The following RTN4 variants were observed in gnomAD, a reference collection of about 807,000 sequenced individuals.
RTN4 encodes reticulon 4.
In RTN4, 32 loss-of-function variants were observed where a neutral mutation model predicts 90.4. That is an observed-to-expected ratio of 0.35 (90% CI 0.27 to 0.48). The LOEUF (loss-of-function observed/expected upper bound fraction) is 0.48. Ranked by LOEUF, RTN4 falls within the 20% of genes least tolerant of loss-of-function variation. The pLI is 0.99. For missense variants in RTN4, 1,706 were observed against 1,430.2 expected (o/e 1.19, Z -3.11); for synonymous variants, 629 against 552.5 (o/e 1.14, Z -1.94).
intron 1 of RTN4, among the ~76,000 whole-genome samples, chr2:55,110,018 G>A (rs1558883877): frequency 6.6e-6 from 1 of 152,028 alleles, no homozygotes; most frequent in Non-Finnish European, 1.5e-5. Context: ...AGAAATTCTG[G>A]AATCTCAGGG....
At chr2:55,002,999 T>C (rs1460688508) in intron 3 of RTN4, among the ~76,000 whole-genome samples, 1 of 152,162 alleles carries the variant, frequency 6.6e-6, no homozygotes, top group African/African-American at 2.4e-5. Flanking sequence ...TTAAAATAAG[T>C]AGGCACCAAG....
intron 1 of RTN4, among the ~76,000 whole-genome samples, chr2:55,030,042 C>CTG (rs1682190228): frequency 6.6e-6 from 1 of 152,106 alleles, no homozygotes; most frequent in Non-Finnish European, 1.5e-5. Context: ...TTAACCAATT[C>CTG]TTAACAAAAT....
At chr2:55,099,536 C>T (rs1667813833) in intron 1 of RTN4, among the ~76,000 whole-genome samples, 1 of 152,018 alleles carries the variant, frequency 6.6e-6, no homozygotes, top group African/African-American at 2.4e-5. Flanking sequence ...AGGAGCCTGG[C>T]TCTTTGACAT....
chr2:55,056,723 A>G (rs918844498), intron 2 of RTN4, among the ~76,000 whole-genome samples: 64 of 152,190 alleles, frequency 4.2e-4, no homozygotes, highest in Admixed American at 1.2e-3. Flanking sequence ...TGTATTGCCT[A>G]TTTAAAAAGT....
rs201610878 is a variant in RTN4 at position 55,025,480 on chromosome 2, T to C, written c.2619A>G (p.Thr873=). 1 of 1,613,786 alleles carries C rather than the reference T, an allele frequency of 6.2e-7. No individual in the cohort carries two copies. Among genetic ancestry groups the C allele is most frequent in the Non-Finnish European group, 8.5e-7 (1 of 1,179,804 alleles). ...ATGAATCAGTTTTAGAACTGATCAA[T>C]GTAGGGAACTCATCTATAATTTCAA... ...SPIEIIDEFP[T]LISSKTDSFS... is the part of the protein sequence containing the mutation. The change falls in exon 3 of 9, where the codon ACA becomes ACG. Residue 873 remains threonine, a synonymous_variant. Coordinates refer to ENST00000337526, the MANE Select transcript of RTN4 (RefSeq NM_020532.5).
intron 1 of RTN4, among the ~76,000 whole-genome samples, chr2:55,094,192 T>C (rs1383691420): frequency 2.0e-5 from 3 of 152,106 alleles, no homozygotes; most frequent in African/African-American, 7.2e-5. Context: ...GATTAGTGCC[T>C]TCTAAGGAGA....
intron 1 of RTN4, among the ~76,000 whole-genome samples, chr2:55,048,867 TTTTA>T (rs1322394424): frequency 1.3e-5 from 2 of 152,174 alleles, no homozygotes; most frequent in African/African-American, 4.8e-5. Context: ...CCATTTTGCC[TTTTA>T]TTTTTTTCTG....
At chr2:55,108,695 T>A (rs1667986317) in intron 1 of RTN4, among the ~76,000 whole-genome samples, 1 of 152,080 alleles carries the variant, frequency 6.6e-6, no homozygotes, top group South Asian at 2.1e-4. Flanking sequence ...TTGATTCCCA[T>A]AAAGAAATAA....
rs575897624 is a variant in RTN4 at position 55,069,105 on chromosome 2, G to A, written c.-63+11384C>T. Among the ~76,000 whole-genome samples the A allele has an allele frequency of 3.9e-5, 6 of 152,344 alleles. No individual in the cohort carries two copies. In the South Asian group the frequency reaches 1.2e-3, roughly 32 times the overall value. ...TTATAAAAAGAGTTTGGACCTTGCAGACTTTCTGAAGAAATCTCAGGAGGA... is the reference window on the plus strand; with the variant it reads ...TTATAAAAAGAGTTTGGACCTTGCAAACTTTCTGAAGAAATCTCAGGAGGA... On this transcript the variant is annotated intron_variant, in intron 2 of 3. Coordinates refer to the RTN4 transcript ENST00000427710.
At chr2:55,078,919 C>T (rs953869415) in intron 2 of RTN4, among the ~76,000 whole-genome samples, 3 of 152,156 alleles carry the variant, frequency 2.0e-5, no homozygotes, top group African/African-American at 7.2e-5. Flanking sequence ...TTCGATTCAT[C>T]TGACCATCCT....
At chr2:55,121,645 G>A in the RTN4 span, among the ~76,000 whole-genome samples, 1 of 152,140 alleles carries the variant, frequency 6.6e-6, no homozygotes. Flanking sequence ...TTATTATCAT[G>A]CTATTGTCAT....
chr2:55,115,458 A>G (rs1031823859), upstream of RTN4, among the ~76,000 whole-genome samples: 1 of 152,162 alleles, frequency 6.6e-6, no homozygotes, highest in African/African-American at 2.4e-5. Flanking sequence ...ATCTATATAT[A>G]TAGGTAACAG....
intron 2 of RTN4, chr2:55,080,418 A>G (rs1334015954): frequency 6.6e-6 from 1 of 151,582 alleles, no homozygotes; most frequent in Non-Finnish European, 1.5e-5. Flanking sequence ...GCAAAATTTA[A>G]TTTGATATAA....
intron 3 of RTN4, among the ~76,000 whole-genome samples, chr2:54,994,457 T>C (rs1413484790): frequency 1.3e-5 from 2 of 152,200 alleles, no homozygotes. Flanking sequence ...TAAATCATAT[T>C]AATAGGATAA....
intron 3 of RTN4, among the ~76,000 whole-genome samples, chr2:55,006,355 T>C (rs1393130591): frequency 6.6e-6 from 1 of 151,620 alleles, no homozygotes; most frequent in Middle Eastern, 3.2e-3. Context: ...AATTAATTAA[T>C]GCCAAAGTTC....
chr2:55,041,424 T>C (rs967395158), intron 1 of RTN4, among the ~76,000 whole-genome samples: 20 of 152,046 alleles, frequency 1.3e-4, no homozygotes, highest in Non-Finnish European at 5.9e-5. Context: ...TAGAAAATTA[T>C]ACACACATAA....
the RTN4 span, among the ~76,000 whole-genome samples, chr2:55,126,881 T>G: frequency 6.6e-6 from 1 of 152,130 alleles, no homozygotes; most frequent in Non-Finnish European, 1.5e-5. Flanking sequence ...TGCAGCAACA[T>G]GGATGCAGCT....
At chr2:55,035,432 G>C (rs1490603335) in intron 1 of RTN4, among the ~76,000 whole-genome samples, 2 of 152,092 alleles carry the variant, frequency 1.3e-5, no homozygotes, top group Non-Finnish European at 2.9e-5. Context: ...AAGAAATTCT[G>C]AATCAAATGA....
At chr2:55,061,229 C>G (rs1481938757) in intron 2 of RTN4, among the ~76,000 whole-genome samples, 3 of 152,042 alleles carry the variant, frequency 2.0e-5, no homozygotes, top group Non-Finnish European at 2.9e-5. Flanking sequence ...CCACACCCAG[C>G]TGATTTGTAT....
Sources: allele counts gnomAD v4.1 joint callset (sites outside exome capture counted in the v4.1 genomes callset), GRCh38; gene constraint gnomAD v4.1.1; transcripts MANE v1.5; gene names NCBI Gene and HGNC (gene_info 2026-07-23, HGNC 2026-07-21).